RAVER2: variants seen among roughly 807,000 people sequenced by gnomAD.
The protein encoded by RAVER2 is ribonucleoprotein, PTB binding 2.
A neutral mutation model predicts 78.1 loss-of-function variants in RAVER2; 46 were observed. That is an observed-to-expected ratio of 0.59 (90% confidence interval 0.46 to 0.75). The LOEUF (loss-of-function observed/expected upper bound fraction) is 0.75, where lower values mean the gene tolerates loss of function less well. Ranked by LOEUF, RAVER2 falls within the 30% of genes least tolerant of loss-of-function variation. The probability of loss-of-function intolerance (pLI) is 0.00; values close to 1 mark genes in which losing one functional copy is unlikely to be tolerated. For missense variants in RAVER2, 793 were observed against 837.5 expected, an observed-to-expected ratio of 0.95 and a Z score of 0.66; for synonymous variants, 311 against 313.3, an observed-to-expected ratio of 0.99 and a Z score of 0.08.
intron 5 of RAVER2, among the ~76,000 whole-genome samples, chr1:64,797,475 TAATAA>T (rs1653126314): frequency 6.6e-6 from 1 of 152,252 alleles, no homozygotes; most frequent in South Asian, 2.1e-4. Context: ...CAGTTTTTTA[TAATAA>T]AATACAGTGA....
At chr1:64,781,414 T>C (rs1352741284) in exon 4 of RAVER2, 4 of 1,612,506 alleles carry the variant, frequency 2.5e-6, no homozygotes, top group Non-Finnish European at 3.4e-6. Context: ...GTTGGTGGCT[T>C]TGCAGTGGTT....
At chr1:64,817,626 C>T (rs938355678) in intron 11 of RAVER2, among the ~76,000 whole-genome samples, 3 of 151,940 alleles carry the variant, frequency 2.0e-5, no homozygotes, top group African/African-American at 4.8e-5. Flanking sequence ...AGCTGGAAAC[C>T]ATCATTCTGA....
intron 1 of RAVER2, 110 bp from the exon 2 acceptor site, chr1:64,768,546 A>T: frequency 7.2e-6 from 5 of 692,954 alleles, no homozygotes; most frequent in Non-Finnish European, 5.1e-6. Flanking sequence ...TTTTTTTTTT[A>T]CATGGGACAT....
At position 64,773,336 on chromosome 1, in the gene RAVER2, C is replaced by T. The variant is rs372310836; in HGVS notation, c.317-4287C>T. Reference sequence around the variant, plus strand: ...ATTTCTCCTAATGCTATCCCTCCCCCGCTACACCCCCCGACAGGCCCCAGT... The same window carrying T: ...ATTTCTCCTAATGCTATCCCTCCCCTGCTACACCCCCCGACAGGCCCCAGT... On this transcript the variant is annotated intron_variant, in intron 2 of 11. Coordinates refer to ENST00000294428, the Ensembl canonical transcript of RAVER2. 6.6e-4 allele frequency among the ~76,000 whole-genome samples: 100 copies of T among 152,092 alleles called. 1 individual carries two copies. In the East Asian group the frequency reaches 0.011, roughly 17 times the overall value.
At chr1:64,781,541 A>T (rs762987362) in exon 4 of RAVER2, 17 of 1,613,830 alleles carry the variant, frequency 1.1e-5, no homozygotes, top group Non-Finnish European at 1.4e-5. Flanking sequence ...GGCGAAGTAC[A>T]TTAGCAGCAT....
chr1:64,763,648 T>A (rs1447900978), intron 1 of RAVER2, among the ~76,000 whole-genome samples: 1 of 152,072 alleles, frequency 6.6e-6, no homozygotes, highest in East Asian at 1.9e-4. Context: ...ACGCCTGTAA[T>A]CCCAGCACTT....
intron 5 of RAVER2, among the ~76,000 whole-genome samples, chr1:64,790,089 G>A (rs1339808509): frequency 6.6e-6 from 1 of 152,150 alleles, no homozygotes; most frequent in Non-Finnish European, 1.5e-5. Flanking sequence ...ATTCTGAAAT[G>A]TACAACTTTT....
chr1:64,761,938 C>T (rs1263979660), intron 1 of RAVER2, among the ~76,000 whole-genome samples: 1 of 150,588 alleles, frequency 6.6e-6, no homozygotes, highest in Non-Finnish European at 1.5e-5. Flanking sequence ...AACCAAAACC[C>T]TGTCTCTACC....
intron 3 of RAVER2, 109 bp from the exon 4 acceptor site, chr1:64,781,271 C>T: frequency 1.1e-6 from 1 of 950,884 alleles, no homozygotes; most frequent in Admixed American, 2.8e-5. Flanking sequence ...TTATTTCCAC[C>T]AGTATCATGC....
In RAVER2 at chr1:64,814,661, T is replaced by C. The variant is rs367954682; in HGVS notation, c.1793-43T>C. On this transcript the variant is annotated intron_variant, in intron 10 of 11. Transcript: ENST00000294428. ...TAACCTAAATAAAATAAATTTATAATAAAATAACCTAAATAAAATAAACTT... is the reference window on the plus strand; with the variant it reads ...TAACCTAAATAAAATAAATTTATAACAAAATAACCTAAATAAAATAAACTT... 85 of 1,141,824 alleles carry C rather than the reference T, an allele frequency of 7.4e-5. No homozygotes were observed. In the African/African-American group the frequency reaches 1.3e-3, roughly 17 times the overall value. The allele number at this position is 1,141,824 out of a possible 1,614,324, so 70.7% of individuals were successfully genotyped here.
chr1:64,751,677 CTG>C (rs2100801476), intron 1 of RAVER2, among the ~76,000 whole-genome samples: 1 of 152,164 alleles, frequency 6.6e-6, no homozygotes, highest in East Asian at 1.9e-4. Context: ...GTGCACTGCA[CTG>C]TGGCCTCAAG....
chr1:64,832,075 T>C (rs1318490137), exon 12 of RAVER2: 1 of 152,628 alleles, frequency 6.6e-6, no homozygotes, highest in Non-Finnish European at 1.5e-5. Context: ...GACAGACTTG[T>C]AAGTGGAAAG....
At chr1:64,746,222 G>C (rs1422493106) in intron 1 of RAVER2, among the ~76,000 whole-genome samples, 2 of 152,276 alleles carry the variant, frequency 1.3e-5, no homozygotes, top group Admixed American at 6.5e-5. Context: ...GAAGCACAAA[G>C]GGGACACAGA....
At chr1:64,816,898 A>G (rs1040868465) in intron 11 of RAVER2, among the ~76,000 whole-genome samples, 2 of 152,242 alleles carry the variant, frequency 1.3e-5, no homozygotes, top group African/African-American at 4.8e-5. Flanking sequence ...GCCAAAATTG[A>G]CAAATGGGAT....
intron 11 of RAVER2, among the ~76,000 whole-genome samples, chr1:64,824,101 C>G (rs1653951527): frequency 6.6e-6 from 1 of 152,172 alleles, no homozygotes; most frequent in Admixed American, 6.5e-5. Flanking sequence ...GCCACCGCGC[C>G]CGGCCTGATT....
chr1:64,818,899 A>G (rs188166794), intron 11 of RAVER2, among the ~76,000 whole-genome samples: 19 of 152,290 alleles, frequency 1.2e-4, no homozygotes, highest in African/African-American at 4.6e-4. Context: ...TGTCTGAGGA[A>G]AACTCCAAGG....
chr1:64,805,069 A>G, exon 8 of RAVER2: 1 of 1,614,128 alleles, frequency 6.2e-7, no homozygotes, highest in Non-Finnish European at 8.5e-7. Context: ...TCCATTGAAA[A>G]AGGAGTTGGG....
chr1:64,788,089 A>G (rs963013541), intron 4 of RAVER2, among the ~76,000 whole-genome samples: 4 of 152,196 alleles, frequency 2.6e-5, no homozygotes, highest in Non-Finnish European at 5.9e-5. Context: ...AAATTATTTC[A>G]TGTTTTTAGG....
chr1:64,781,438 C>A (rs760149805), exon 4 of RAVER2: 1 of 1,613,438 alleles, frequency 6.2e-7, no homozygotes, highest in Admixed American at 1.7e-5. Flanking sequence ...TATAGCACTG[C>A]GGAGCAGGCT....
Sources: allele counts gnomAD v4.1 joint callset (sites outside exome capture counted in the v4.1 genomes callset), GRCh38; gene constraint gnomAD v4.1.1; transcripts MANE v1.5; gene names NCBI Gene and HGNC (gene_info 2026-07-23, HGNC 2026-07-21).